Variants in HSD17B3 observed in about 807,000 individuals in gnomAD.
The protein encoded by HSD17B3 is 17-beta-hydroxysteroid dehydrogenase type 3.
Under a neutral mutation model 41.1 loss-of-function variants are expected in HSD17B3, and 29 were observed. That is an observed-to-expected ratio of 0.71 (90% CI 0.53 to 0.96). The LOEUF is 0.96. Among genes scored for constraint, HSD17B3 ranks in the 40% least tolerant of loss-of-function variants. The pLI is 0.00. For synonymous variants in HSD17B3, 126 were observed against 145.6 expected, an observed-to-expected ratio of 0.87 and a Z score of 0.97; for missense variants, 323 against 374.6, an observed-to-expected ratio of 0.86 and a Z score of 1.14.
In HSD17B3 at chr9:96,254,963, A is replaced by C. The variant is rs2130733646; in HGVS notation, c.202-20T>G. ...TGCTAGCTGAGAGTGGGAGTGAAAAACCAAGAGACAAGGATGATGAGCAGA... is the reference window on the plus strand; with the variant it reads ...TGCTAGCTGAGAGTGGGAGTGAAAACCCAAGAGACAAGGATGATGAGCAGA... On this transcript the variant is annotated intron_variant, in intron 2 of 10. Transcript: ENST00000375263. The C allele has an allele frequency of 6.2e-7, 1 of 1,607,750 alleles. No individual in the cohort carries two copies. The highest frequency in any genetic ancestry group is 1.3e-5 in the African/African-American group (1 of 74,890).
intron 2 of HSD17B3, among the ~76,000 whole-genome samples, chr9:96,263,554 A>T (rs138459678): frequency 6.9e-4 from 1 of 1,440 alleles, no homozygotes; most frequent in African/African-American, 0.01. Context: ...CGTCTCTACT[A>T]AAAAAAAAAA....
In HSD17B3 at chr9:96,288,048, C is replaced by T. The variant is rs8190511; in HGVS notation, c.201+10368G>A. On this transcript the variant is annotated intron_variant, in intron 2 of 10. Transcript: ENST00000375263. ...TATGCTAAGTGGAAGAAAACAGTCACGGAGAACGGCATGTTGTATGGTGAC... is the reference window on the plus strand; with the variant it reads ...TATGCTAAGTGGAAGAAAACAGTCATGGAGAACGGCATGTTGTATGGTGAC... 3.7e-3 allele frequency among the ~76,000 whole-genome samples: 563 copies of T among 152,232 alleles called. 8 individuals carry two copies. Among genetic ancestry groups the T allele is most frequent in the African/African-American group, 0.013 (521 of 41,542 alleles).
intron 6 of HSD17B3, among the ~76,000 whole-genome samples, chr9:96,247,607 G>A (rs1836720832): frequency 1.3e-5 from 2 of 152,224 alleles, no homozygotes; most frequent in Non-Finnish European, 1.5e-5. Context: ...TGGGGAAGAA[G>A]AGGGAGGATG....
chr9:96,297,473 A>C (rs1444548121), intron 2 of HSD17B3, among the ~76,000 whole-genome samples: 1 of 151,324 alleles, frequency 6.6e-6, no homozygotes, highest in Non-Finnish European at 1.5e-5. Context: ...CAGCCTCCCA[A>C]GTAGCTGGGA....
rs1309449011 is a variant in HSD17B3, at chr9:96,235,538, G to A, written c.855C>T (p.Ala285=). 1 of 1,614,148 alleles carries A rather than the reference G, an allele frequency of 6.2e-7. No homozygotes were observed. Among genetic ancestry groups the A allele is most frequent in the Non-Finnish European group, 8.5e-7 (1 of 1,180,034 alleles). The change falls in exon 11 of 11, where the codon GCC becomes GCT. Residue 285 remains alanine, a synonymous_variant. Coordinates refer to ENST00000375263, the MANE Select transcript of HSD17B3 (RefSeq NM_000197.2). ...AGFLSLIPAW[A]FYSGAFQRLL... ...GCCTTTGGAAGGCACCGCTGTAGAAGGCCCAGGCCGGGATCAGGCTCAGAA... is the reference window on the plus strand; with the variant it reads ...GCCTTTGGAAGGCACCGCTGTAGAAAGCCCAGGCCGGGATCAGGCTCAGAA...
At position 96,252,735 on chromosome 9, in the gene HSD17B3, T is replaced by G. The variant is rs552744887; in HGVS notation, c.385+68A>C. 22 of 837,218 alleles carry G rather than the reference T, an allele frequency of 2.6e-5. No homozygotes were observed. The African/African-American group carries it at 3.5e-4, about 13-fold the overall frequency. The allele number at this position is 837,218 out of a possible 1,614,324, so 51.9% of individuals were successfully genotyped here. ...TAAATCACCATGAAATAATCAAATG[T>G]CACTCATCAGTGTCAGGTTATTTCA... On this transcript the variant is annotated intron_variant, in intron 4 of 10. Coordinates refer to ENST00000375263, the MANE Select transcript of HSD17B3 (RefSeq NM_000197.2).
chr9:96,256,507 T>C (rs934301906), intron 2 of HSD17B3, among the ~76,000 whole-genome samples: 5 of 150,658 alleles, frequency 3.3e-5, no homozygotes, highest in East Asian at 1.9e-4. Flanking sequence ...AATAAACAAA[T>C]AAATAAATAA....
In HSD17B3 at chr9:96,244,401, C is replaced by T; in HGVS notation, c.607-7G>A. 1 of 1,614,128 alleles carries T rather than the reference C, an allele frequency of 6.2e-7. No homozygotes were observed. Among genetic ancestry groups the T allele is most frequent in the Non-Finnish European group, 8.5e-7 (1 of 1,180,020 alleles). On this transcript the variant is annotated splice_region_variant and splice_polypyrimidine_tract_variant and intron_variant, in intron 8 of 10. Transcript: ENST00000375263. ...AAAATGCGCACACAAACGCCTGGAG[C>T]AAGAAGGAGAGACACCTGAGGCCCC...
intron 2 of HSD17B3, among the ~76,000 whole-genome samples, chr9:96,266,959 C>T (rs1023398836): frequency 1.3e-5 from 2 of 152,074 alleles, no homozygotes; most frequent in African/African-American, 4.8e-5. Context: ...TTGCTTAGGA[C>T]TCCTCTCACC....
chr9:96,273,124 T>C (rs1231953921), intron 2 of HSD17B3, among the ~76,000 whole-genome samples: 1 of 152,216 alleles, frequency 6.6e-6, no homozygotes, highest in Non-Finnish European at 1.5e-5. Flanking sequence ...AATTGTTCTG[T>C]ATCTTGACTA....
chr9:96,291,676 G>T (rs1028143774), intron 2 of HSD17B3, among the ~76,000 whole-genome samples: 2 of 152,198 alleles, frequency 1.3e-5, no homozygotes, highest in East Asian at 3.8e-4. Flanking sequence ...GCTTCAGTAG[G>T]CTGGGTGATG....
intron 2 of HSD17B3, among the ~76,000 whole-genome samples, chr9:96,255,927 G>A (rs938023723): frequency 3.3e-5 from 5 of 152,228 alleles, no homozygotes; most frequent in African/African-American, 9.6e-5. Context: ...TTCACACAGA[G>A]CAGTCAGAGA....
chr9:96,281,399 A>G (rs1376969359), intron 2 of HSD17B3, among the ~76,000 whole-genome samples: 1 of 152,094 alleles, frequency 6.6e-6, no homozygotes, highest in Non-Finnish European at 1.5e-5. Flanking sequence ...TAGAGGCCCA[A>G]CTTAGGGGAG....
Position 96,302,097 on chromosome 9 carries a change from TC to T in HSD17B3, c.7del (p.Asp3ThrfsTer23). On this transcript the variant is annotated frameshift_variant, in exon 1 of 11. Coordinates refer to ENST00000375263, the MANE Select transcript of HSD17B3 (RefSeq NM_000197.2). LOFTEE classifies it high-confidence loss of function. MG[D>X]VLEQFFILTG... ...GAGGATGAAGAACTGTTCCAGGACG[TC>T]CCCCATGGCTGCACTCAACAGACTG... The T allele has an allele frequency of 6.2e-7, 1 of 1,613,920 alleles. No individual in the cohort carries two copies. Among genetic ancestry groups the T allele is most frequent in the Non-Finnish European group, 8.5e-7 (1 of 1,179,982 alleles).
At chr9:96,241,876 A>T (rs1836451593) in intron 9 of HSD17B3, among the ~76,000 whole-genome samples, 1 of 151,560 alleles carries the variant, frequency 6.6e-6, no homozygotes, top group Non-Finnish European at 1.5e-5. Flanking sequence ...CAGAGGTTAC[A>T]GTGAGCCAAG....
At chr9:96,267,655 C>G (rs1032972059) in intron 2 of HSD17B3, among the ~76,000 whole-genome samples, 1 of 151,020 alleles carries the variant, frequency 6.6e-6, no homozygotes, top group Admixed American at 6.6e-5. Context: ...AGGGAAGATA[C>G]AATTGATGAA....
intron 2 of HSD17B3, among the ~76,000 whole-genome samples, chr9:96,281,530 G>T (rs1243045037): frequency 6.6e-6 from 1 of 152,074 alleles, no homozygotes; most frequent in Non-Finnish European, 1.5e-5. Context: ...TAATATTTAG[G>T]GGGTTAAAGT....
intron 2 of HSD17B3, among the ~76,000 whole-genome samples, chr9:96,268,963 A>AT (rs1259597318): frequency 6.6e-6 from 1 of 152,200 alleles, no homozygotes; most frequent in Non-Finnish European, 1.5e-5. Context: ...AGAAAAAAAA[A>AT]ACTTTGGAAA....
Position 96,249,593 on chromosome 9 carries a change from G to C in HSD17B3, c.489+158C>G, listed in dbSNP as rs543381670. On this transcript the variant is annotated intron_variant, in intron 6 of 10. Coordinates refer to ENST00000375263, the MANE Select transcript of HSD17B3 (RefSeq NM_000197.2). ...TACTGTATTTTCTAGATGAAAAACAGAACAAGACAATTACAAGACCACGAC... is the reference window on the plus strand; with the variant it reads ...TACTGTATTTTCTAGATGAAAAACACAACAAGACAATTACAAGACCACGAC... The C allele has an allele frequency of 7.3e-6, 5 of 688,842 alleles. No individual in the cohort carries two copies. In the East Asian group the frequency reaches 1.3e-4, roughly 19 times the overall value. 42.7% of individuals were successfully genotyped at this position (688,842 alleles called of 1,614,324 possible).
Sources: allele counts gnomAD v4.1 joint callset (sites outside exome capture counted in the v4.1 genomes callset), GRCh38; gene constraint gnomAD v4.1.1; transcripts MANE v1.5; gene names NCBI Gene and HGNC (gene_info 2026-07-23, HGNC 2026-07-21).